Variants in SPAG8 observed in about 807,000 individuals in gnomAD.
SPAG8 encodes the protein sperm associated antigen 8.
Under a neutral mutation model 45.3 loss-of-function variants are expected in SPAG8, and 36 were observed. That is an observed-to-expected ratio of 0.80 (90% CI 0.61 to 1.05). The LOEUF (loss-of-function observed/expected upper bound fraction) is 1.05, where lower values mean the gene tolerates loss of function less well. Ranked by LOEUF, SPAG8 falls within the 50% of genes least tolerant of loss-of-function variation. The probability of loss-of-function intolerance (pLI) is 0.00; values close to 1 mark genes in which losing one functional copy is unlikely to be tolerated. For synonymous variants in SPAG8, 227 were observed against 232.6 expected, an observed-to-expected ratio of 0.98 and a Z score of 0.22; for missense variants, 573 against 609.2, an observed-to-expected ratio of 0.94 and a Z score of 0.63.
Position 35,810,327 on chromosome 9 carries a change from G to C in SPAG8, c.1201-18C>G. 1 of 1,613,924 alleles carries C rather than the reference G, an allele frequency of 6.2e-7. No homozygotes were observed. Among genetic ancestry groups the C allele is most frequent in the Non-Finnish European group, 8.5e-7 (1 of 1,179,816 alleles). ...TCGTGAGGCTGTGAGGGAGGGTACTGAGTAACTCCTGGCCTTCAGCCCTCT... is the reference window on the plus strand; with the variant it reads ...TCGTGAGGCTGTGAGGGAGGGTACTCAGTAACTCCTGGCCTTCAGCCCTCT... On this transcript the variant is annotated intron_variant, in intron 5 of 6. Transcript: ENST00000396638.
At chr9:35,808,696 C>G, downstream of SPAG8, 2 of 1,613,390 alleles carry the variant, frequency 1.2e-6, no homozygotes, top group Non-Finnish European at 1.7e-6. The surrounding 1 kb of genome is among the most constrained non-coding windows in gnomAD (Gnocchi z 4.0). Context: ...AAGGCTGACT[C>G]TCACTCCAGC....
chr9:35,808,032 A>T (rs576861863), downstream of SPAG8: 39 of 675,904 alleles, frequency 5.8e-5, no homozygotes, highest in East Asian at 8.7e-4. The surrounding 1 kb of genome is among the most constrained non-coding windows in gnomAD (Gnocchi z 4.0). Flanking sequence ...TTTCCTAAAA[A>T]CTTCACTGTG....
At chr9:35,810,616 C>T in intron 4 of SPAG8, 21 bp downstream of exon 4, 1 of 1,614,154 alleles carries the variant, frequency 6.2e-7, no homozygotes, top group Non-Finnish European at 8.5e-7. Context: ...CATCCCTCTT[C>T]CCCTTTACCC....
At chr9:35,809,178 T>C, downstream of SPAG8, 1 of 1,613,972 alleles carries the variant, frequency 6.2e-7, no homozygotes, top group African/African-American at 1.3e-5. The surrounding 1 kb of genome is among the most constrained non-coding windows in gnomAD (Gnocchi z 4.1). Context: ...ATGTCTCCTC[T>C]ACCACCAAGG....
At position 35,811,357 on chromosome 9, in the gene SPAG8, G is replaced by C; in HGVS notation, c.689C>G (p.Ser230Cys). 6.2e-7 allele frequency: 1 copy of C among 1,614,218 alleles called. No homozygotes were observed. The highest frequency in any genetic ancestry group is 8.5e-7 in the Non-Finnish European group (1 of 1,180,042). ...CTCCCAGGGGCAGTGCTGACTCCAG[G>C]AGGTATAGTTAGGGACCCGATCTGC... ...LVADRVPNYT[S>C]WSQHCPWEPQ... Residue 230 changes from serine to cysteine, a missense_variant, in exon 2 of 7, where the codon TCC becomes TGC. Ser to Cys is a moderately radical substitution (Grantham distance 112, BLOSUM62 -1). Coordinates refer to ENST00000396638, the MANE Select transcript of SPAG8 (RefSeq NM_001039592.2).
Position 35,811,523 on chromosome 9 carries a change from G to A in SPAG8, c.523C>T (p.Pro175Ser), listed in dbSNP as rs1588080976. ...CGSVPGSGSG[P>S]GPGSGPGSGP... ...GAGCCAGGACCAGAGCCAGGACCAG[G>A]ACCAGAGCCAGAGCCAGGGACAGAG... is the stretch of plus-strand genomic sequence containing the variant. The change falls in exon 2 of 7, where the codon CCT (proline) becomes TCT (serine). Residue 175 changes from proline (P) to serine (S), a missense_variant. Transcript: ENST00000396638. 1 of 1,598,894 alleles carries A rather than the reference G, an allele frequency of 6.3e-7. No homozygotes were observed. The highest frequency in any genetic ancestry group is 1.4e-5 in the African/African-American group (1 of 73,448).
Position 35,811,675 on chromosome 9 carries a change from T to A in SPAG8, c.371A>T (p.Asp124Val). ...ACTATGGTCAGTTGTAGTGCAAGTG[T>A]CCTGAGCAATACAGGAAACATAGAC... is the stretch of plus-strand genomic sequence containing the variant. ...EPVYVSCIAQ[D>V]TCTTTDHSSN... The change falls in exon 2 of 7, where the codon GAC (aspartate) becomes GTC (valine). Residue 124 changes from aspartate to valine, a missense_variant. By Grantham distance (152) the Asp-to-Val change is radical (BLOSUM62 -3). Coordinates refer to ENST00000396638, the MANE Select transcript of SPAG8 (RefSeq NM_001039592.2). The A allele has an allele frequency of 6.2e-7, 1 of 1,614,130 alleles. No homozygotes were observed.
chr9:35,808,691 T>C (rs375515992), downstream of SPAG8: 93 of 1,613,978 alleles, frequency 5.8e-5, 1 homozygote, highest in South Asian at 9.9e-4. This position sits in a 1 kb window ranked among gnomAD's most constrained non-coding sequence, Gnocchi z 4.0. Flanking sequence ...CTGGTAAGGC[T>C]GACTCTCACT....
At chr9:35,811,144 A>G in intron 2 of SPAG8, 38 bp downstream of exon 2, 1 of 1,556,780 alleles carries the variant, frequency 6.4e-7, no homozygotes, top group Non-Finnish European at 8.7e-7. Flanking sequence ...AACTGAGGGC[A>G]GCCTTCAAGA....
At chr9:35,808,174 C>T (rs764850952), downstream of SPAG8, 23 of 1,613,270 alleles carry the variant, frequency 1.4e-5, no homozygotes, top group Admixed American at 5.0e-5. The surrounding 1 kb of genome is among the most constrained non-coding windows in gnomAD (Gnocchi z 4.0). Flanking sequence ...TTTACCTCCT[C>T]ACCAGCCTCT....
At position 35,811,851 on chromosome 9, in the gene SPAG8, G is replaced by A. The variant is rs1317621297; in HGVS notation, c.195C>T (p.Thr65=). Residue 65 remains threonine (T), a synonymous_variant, in exon 2 of 7, where the codon ACC becomes ACT. Transcript: ENST00000396638. ...ASAAAATAAF[T]TAKAAALSTK... ...TAGATAATGCAGCTGCTTTGGCAGT[G>A]GTGAAGGCTGCAGTAGCTGCAGCAG... The A allele has an allele frequency of 3.7e-6, 6 of 1,611,388 alleles. No individual in the cohort carries two copies. The highest frequency in any genetic ancestry group is 5.1e-6 in the Non-Finnish European group (6 of 1,177,970).
At position 35,810,511 on chromosome 9, in the gene SPAG8, G is replaced by A. The variant is rs373178670; in HGVS notation, c.1128C>T (p.Phe376=). The change falls in exon 5 of 7, where the codon TTC becomes TTT. Residue 376 remains phenylalanine, a synonymous_variant. Coordinates refer to ENST00000396638, the MANE Select transcript of SPAG8 (RefSeq NM_001039592.2). ...QAEQEPTRKL[F]EVESVTHHDY... ...CATGGTGTGTCACAGACTCAACCTC[G>A]AAGAGCTTCCTTGTGGGTTCCTGTT... 2.0e-5 allele frequency: 33 copies of A among 1,614,032 alleles called. No homozygotes were observed. In the African/African-American group the frequency reaches 3.3e-4, roughly 16 times the overall value.
downstream of SPAG8, chr9:35,809,027 T>G: frequency 9.6e-7 from 1 of 1,039,372 alleles, no homozygotes; most frequent in South Asian, 1.3e-5. This position sits in a 1 kb window ranked among gnomAD's most constrained non-coding sequence, Gnocchi z 4.1. Flanking sequence ...ATTTTGGTCC[T>G]AATAGATATG....
chr9:35,811,870 G>A lies in SPAG8; in HGVS notation c.176C>T (p.Ala59Val). ...GGCAGTGGTGAAGGCTGCAGTAGCT[G>A]CAGCAGCTGATGCAGCCGCTGCAGC... The part of the protein sequence containing the change: ...AAAAAAASAA[A>V]ATAAFTTAKA... Residue 59 changes from alanine to valine, a missense_variant, in exon 2 of 7, where the codon GCA (alanine) becomes GTA (valine). Ala to Val is a moderately conservative substitution (Grantham distance 64). Coordinates refer to ENST00000396638, the MANE Select transcript of SPAG8 (RefSeq NM_001039592.2). The A allele has an allele frequency of 3.7e-6, 6 of 1,610,604 alleles. No homozygotes were observed. The highest frequency in any genetic ancestry group is 5.1e-6 in the Non-Finnish European group (6 of 1,177,522).
rs774236641 is a variant in SPAG8, at chr9:35,810,348, C to T, written c.1201-39G>A. The T allele has an allele frequency of 2.5e-6, 4 of 1,613,380 alleles. No individual in the cohort carries two copies. The South Asian group carries it at 3.3e-5, about 13-fold the overall frequency. On this transcript the variant is annotated intron_variant, in intron 5 of 6. Coordinates refer to ENST00000396638, the MANE Select transcript of SPAG8 (RefSeq NM_001039592.2). The stretch of plus-strand genomic sequence containing the variant: ...TACTGAGTAACTCCTGGCCTTCAGC[C>T]CTCTCTCTCAACCTCTGGGCTTGGT...
chr9:35,810,797 A>G (rs1220634502), intron 3 of SPAG8, 86 bp downstream of exon 3: 1 of 1,593,374 alleles, frequency 6.3e-7, no homozygotes, highest in East Asian at 2.2e-5. Context: ...TATCCACTGG[A>G]GAATCCACAG....
Position 35,811,340 on chromosome 9 carries a change from G to A in SPAG8, c.706C>T (p.Pro236Ser), listed in dbSNP as rs764168455. 2.4e-5 allele frequency: 38 copies of A among 1,614,078 alleles called. No individual in the cohort carries two copies. The highest frequency in any genetic ancestry group is 1.8e-4 in the South Asian group (16 of 91,088). ...PNYTSWSQHC[P>S]WEPQKQPPWE... ...GGTGGTTGTTTCTGGGGCTCCCAGG[G>A]GCAGTGCTGACTCCAGGAGGTATAG... Residue 236 changes from proline to serine, a missense_variant, in exon 2 of 7, where the codon CCC becomes TCC. By Grantham distance (74) the Pro-to-Ser change is moderately conservative. Coordinates refer to ENST00000396638, the MANE Select transcript of SPAG8 (RefSeq NM_001039592.2).
Position 35,812,108 on chromosome 9 carries a change from A to G in SPAG8, c.40T>C (p.Ser14Pro), listed in dbSNP as rs781064423. Residue 14 changes from serine (S) to proline (P), a missense_variant, in exon 1 of 7, where the codon TCG becomes CCG. Transcript: ENST00000396638. Reference protein sequence around the residue: ...NESTEGSRSRSRSLDIQPSSE... With the variant: ...NESTEGSRSRPRSLDIQPSSE... Reference sequence around the variant, plus strand: ...AGCCAGAGCTGCGGCTCTCACCGCGACCGCGACCGCGATCCCTCCGTAGAC... The same window carrying G: ...AGCCAGAGCTGCGGCTCTCACCGCGGCCGCGACCGCGATCCCTCCGTAGAC... 2 of 1,607,538 alleles carry G rather than the reference A, an allele frequency of 1.2e-6. No homozygotes were observed. The highest frequency in any genetic ancestry group is 4.5e-5 in the East Asian group (2 of 44,014).
downstream of SPAG8, chr9:35,808,153 A>C: frequency 6.3e-7 from 1 of 1,592,762 alleles, no homozygotes; most frequent in Non-Finnish European, 8.6e-7. The surrounding 1 kb of genome is among the most constrained non-coding windows in gnomAD (Gnocchi z 4.0). Context: ...GGTCCATTTC[A>C]CTGGGCCTGC....
Sources: allele counts gnomAD v4.1 joint callset, GRCh38; gene constraint gnomAD v4.1.1; non-coding constraint Gnocchi (gnomAD v3.1); transcripts MANE v1.5; gene names NCBI Gene and HGNC (gene_info 2026-07-23, HGNC 2026-07-21).